CERT1: variants seen among roughly 807,000 people sequenced by gnomAD.
The protein encoded by CERT1 is ceramide transporter 1.
CERT1 carries 31 observed loss-of-function variants against 87.9 expected under a neutral mutation model. That is an observed-to-expected ratio of 0.35 (90% CI 0.27 to 0.48). CERT1 has a LOEUF of 0.48. Ranked by LOEUF, CERT1 falls within the 20% of genes least tolerant of loss-of-function variation. The pLI is 0.99. For missense variants in CERT1, 487 were observed against 758.0 expected (o/e 0.64, Z 4.20); for synonymous variants, 289 against 250.9 (o/e 1.15, Z -1.44).
In CERT1 at chr5:75,485,461, C is replaced by T. The variant is rs555630537; in HGVS notation, c.231+20521G>A. Among the ~76,000 whole-genome samples, 10 of 151,394 alleles carry T rather than the reference C, an allele frequency of 6.6e-5. No individual in the cohort carries two copies. In the South Asian group the frequency reaches 2.1e-3, roughly 31 times the overall value. On this transcript the variant is annotated intron_variant, in intron 2 of 16. Coordinates refer to ENST00000643780, the MANE Select transcript of CERT1 (RefSeq NM_001379029.1). ...CCTTCAAATAGACAACCTAATGATGCATCTTAAAGAAAGAAAAGAGCAAAC... is the reference window on the plus strand; with the variant it reads ...CCTTCAAATAGACAACCTAATGATGTATCTTAAAGAAAGAAAAGAGCAAAC...
intron 16 of CERT1, among the ~76,000 whole-genome samples, chr5:75,380,777 CAA>C (rs35083616): frequency 1.9e-5 from 1 of 53,380 alleles, no homozygotes. Flanking sequence ...GACTCCATCT[CAA>C]AAAAAAAAAA....
intron 8 of CERT1, among the ~76,000 whole-genome samples, chr5:75,406,976 T>C (rs539284265): frequency 2.0e-5 from 3 of 152,010 alleles, no homozygotes; most frequent in Non-Finnish European, 4.4e-5. Context: ...AAAAGAGTCA[T>C]AGTTTGAATT....
At chr5:75,439,180 C>T (rs1341625210) in intron 3 of CERT1, among the ~76,000 whole-genome samples, 10 of 151,408 alleles carry the variant, frequency 6.6e-5, no homozygotes, top group South Asian at 4.2e-4. Flanking sequence ...AAATAAAATA[C>T]CAGAAATGTC....
intron 11 of CERT1, among the ~76,000 whole-genome samples, chr5:75,390,142 G>A (rs1761971183): frequency 6.6e-6 from 1 of 152,084 alleles, no homozygotes; most frequent in Non-Finnish European, 1.5e-5. Context: ...CATAGAGAGA[G>A]AGAGCATATC....
chr5:75,374,690 G>C (rs1761222872), downstream of CERT1: 2 of 612,190 alleles, frequency 3.3e-6, no homozygotes, highest in East Asian at 7.7e-5. Context: ...TACTGTGTGA[G>C]TTGTGCAACT....
chr5:75,510,837 G>T (rs183816374), intron 1 of CERT1, among the ~76,000 whole-genome samples: 2 of 152,064 alleles, frequency 1.3e-5, no homozygotes, highest in Non-Finnish European at 2.9e-5. Context: ...GACAGCTGCC[G>T]CCCTAAGTCC....
rs1765224625 is a variant in CERT1 at position 75,461,445 on chromosome 5, G to A, written c.232-2264C>T. Among the ~76,000 whole-genome samples the A allele has an allele frequency of 4.6e-5, 7 of 152,078 alleles. 1 individual carries two copies. Among genetic ancestry groups the A allele is most frequent in the Admixed American group, 4.6e-4 (7 of 15,278 alleles). The stretch of plus-strand genomic sequence containing the variant: ...ATTGTCTTTCATGAAACTGGTCCCT[G>A]GTGCCAAAAAGATTGGGAAATGCTA... On this transcript the variant is annotated intron_variant, in intron 2 of 16. Coordinates refer to ENST00000643780, the MANE Select transcript of CERT1 (RefSeq NM_001379029.1).
intron 2 of CERT1, among the ~76,000 whole-genome samples, chr5:75,465,575 T>C (rs192197514): frequency 6.6e-6 from 1 of 152,176 alleles, no homozygotes; most frequent in African/African-American, 2.4e-5. Context: ...CAGTTCATAT[T>C]GCTAAGAAAT....
At chr5:75,495,180 T>C (rs553152999) in intron 2 of CERT1, among the ~76,000 whole-genome samples, 1 of 152,334 alleles carries the variant, frequency 6.6e-6, no homozygotes, top group African/African-American at 2.4e-5. Context: ...TTAAAATACG[T>C]AATTGTTGGA....
chr5:75,386,317 C>G (rs1054342325), intron 12 of CERT1, among the ~76,000 whole-genome samples: 1 of 128,074 alleles, frequency 7.8e-6, no homozygotes, highest in African/African-American at 2.8e-5. Flanking sequence ...CATTATTTAC[C>G]ATTCTCAAAA....
chr5:75,466,072 C>T (rs1331605689), intron 2 of CERT1, among the ~76,000 whole-genome samples: 1 of 152,120 alleles, frequency 6.6e-6, no homozygotes, highest in Non-Finnish European at 1.5e-5. Flanking sequence ...CACTTAACAA[C>T]CTATTATCTC....
chr5:75,453,658 AT>A (rs1284957925), intron 3 of CERT1, among the ~76,000 whole-genome samples: 1 of 152,178 alleles, frequency 6.6e-6, no homozygotes, highest in African/African-American at 2.4e-5. Context: ...AATAATGCTA[AT>A]CTCATGAAAG....
At chr5:75,412,680 G>A (rs1221965148) in intron 7 of CERT1, among the ~76,000 whole-genome samples, 1 of 152,172 alleles carries the variant, frequency 6.6e-6, no homozygotes, top group East Asian at 1.9e-4. Flanking sequence ...TGATGGTTAA[G>A]TATTTGTGAA....
intron 3 of CERT1, among the ~76,000 whole-genome samples, chr5:75,434,641 T>G (rs1035691832): frequency 2.0e-4 from 28 of 138,338 alleles, no homozygotes; most frequent in African/African-American, 8.0e-4. Flanking sequence ...GATTGGTAGG[T>G]TTTTTTTTTT....
At chr5:75,411,360 C>T (rs1189641726) in intron 7 of CERT1, among the ~76,000 whole-genome samples, 1 of 152,218 alleles carries the variant, frequency 6.6e-6, no homozygotes, top group East Asian at 1.9e-4. Flanking sequence ...GTCACCCAGG[C>T]TGGAGTGCAA....
At position 75,394,353 on chromosome 5, in the gene CERT1, A is replaced by T. The variant is rs577599231; in HGVS notation, c.1189-4666T>A. 4.5e-4 allele frequency among the ~76,000 whole-genome samples: 69 copies of T among 152,070 alleles called. No homozygotes were observed. In the South Asian group the frequency reaches 8.9e-3, roughly 20 times the overall value. On this transcript the variant is annotated intron_variant, in intron 11 of 16. Coordinates refer to ENST00000643780, the MANE Select transcript of CERT1 (RefSeq NM_001379029.1). ...TGAGACCCCCATATCTACAAAAAAT[A>T]AAAAATTGAAAAAAAAATTAGCTGA...
chr5:75,435,617 G>A (rs1010219709), intron 3 of CERT1, among the ~76,000 whole-genome samples: 1 of 152,054 alleles, frequency 6.6e-6, no homozygotes, highest in East Asian at 1.9e-4. Context: ...TATTGTTTGA[G>A]GCTCTTAAGG....
chr5:75,377,453 G>A (rs147810625), downstream of CERT1: 1 of 152,336 alleles, frequency 6.6e-6, no homozygotes, highest in Non-Finnish European at 1.5e-5. Flanking sequence ...TGCTCTGGCA[G>A]AAATTGGAAA....
At chr5:75,389,793 C>G in intron 11 of CERT1, 106 bp from the exon 12 acceptor site, 2 of 788,922 alleles carry the variant, frequency 2.5e-6, no homozygotes. Context: ...CTCTTAGTAG[C>G]TGAGCAACCA....
Sources: allele counts gnomAD v4.1 joint callset (sites outside exome capture counted in the v4.1 genomes callset), GRCh38; gene constraint gnomAD v4.1.1; transcripts MANE v1.5; gene names NCBI Gene and HGNC (gene_info 2026-07-23, HGNC 2026-07-21).